VBP1: variants seen among roughly 807,000 people sequenced by gnomAD.
VBP1 encodes the protein prefoldin subunit 3.
In VBP1, 4 loss-of-function variants were observed where a neutral mutation model predicts 15.5. That is an observed-to-expected ratio of 0.26 (90% CI 0.13 to 0.59). The LOEUF (loss-of-function observed/expected upper bound fraction) is 0.59, where lower values mean the gene tolerates loss of function less well. Ranked by LOEUF, VBP1 falls within the 20% of genes least tolerant of loss-of-function variation. The pLI, the probability that VBP1 is intolerant of heterozygous loss-of-function variation, is 0.90. For missense variants in VBP1, 108 were observed against 139.6 expected (o/e 0.77, Z 1.14); for synonymous variants, 61 against 52.1 (o/e 1.17, Z -0.74).
chrX:155,225,137 C>G (rs2124081622), intron 2 of VBP1, among the ~76,000 whole-genome samples: 1 of 111,660 alleles, frequency 9.0e-6, no homozygotes, highest in East Asian at 2.8e-4. Flanking sequence ...TTATAATGAT[C>G]AAATTATAAT....
At chrX:155,210,198 C>T (rs782410808) in intron 2 of VBP1, among the ~76,000 whole-genome samples, 1 of 111,705 alleles carries the variant, frequency 9.0e-6, no homozygotes, top group Admixed American at 9.5e-5. Context: ...GTAATCCCAG[C>T]ACTTTGGGAG....
At chrX:155,228,050 G>A (rs1224751994) in intron 3 of VBP1, among the ~76,000 whole-genome samples, 1 of 111,805 alleles carries the variant, frequency 8.9e-6, no homozygotes, top group Non-Finnish European at 1.9e-5. Flanking sequence ...TTCTCTGTAT[G>A]TCAGGCACTC....
Position 155,239,349 on chromosome X carries a change from A to G in VBP1, c.*507A>G, listed in dbSNP as rs1444037628. The G allele has an allele frequency of 2.7e-5, 3 of 112,395 alleles. No homozygotes were observed. The highest frequency in any genetic ancestry group is 9.7e-5 in the African/African-American group (3 of 30,813). 9.3% of individuals were successfully genotyped at this position (112,395 alleles called of 1,213,427 possible). A position where few individuals can be genotyped will look rare whatever the true frequency, so the allele number is the denominator to read the frequency against. ...TGACTTACTGCTTAACGAATAACTA[A>G]CTACTATGATATTCTGGACATTTTA... On this transcript the variant is annotated 3_prime_UTR_variant, in exon 6 of 6. Transcript: ENST00000286428.
intron 4 of VBP1, 76 bp downstream of exon 4, chrX:155,228,558 T>TAC: frequency 1.3e-6 from 1 of 783,591 alleles, no homozygotes; most frequent in Non-Finnish European, 1.9e-6. Flanking sequence ...CTGGTTTTGC[T>TAC]AGTATTTGCT....
intron 2 of VBP1, among the ~76,000 whole-genome samples, chrX:155,211,158 G>A (rs782191463): frequency 2.7e-5 from 3 of 111,806 alleles, no homozygotes; most frequent in Non-Finnish European, 5.6e-5. Context: ...GCAAGATGGA[G>A]TCCCACTACA....
At chrX:155,203,819 C>T (rs1230149999) in intron 1 of VBP1, among the ~76,000 whole-genome samples, 1 of 111,853 alleles carries the variant, frequency 8.9e-6, no homozygotes, top group Non-Finnish European at 1.9e-5. Flanking sequence ...TGTTAAATTT[C>T]TCCAATTTAT....
At chrX:155,224,313 T>C (rs1272779160) in intron 2 of VBP1, among the ~76,000 whole-genome samples, 3 of 112,504 alleles carry the variant, frequency 2.7e-5, no homozygotes, top group Non-Finnish European at 3.8e-5. Flanking sequence ...CTGGGCACCA[T>C]TGAGCACTGA....
chrX:155,220,089 C>CT (rs1168862261), intron 1 of VBP1, 94 bp from the exon 2 acceptor site: 27 of 879,936 alleles, frequency 3.1e-5, no homozygotes, highest in African/African-American at 2.1e-4. Context: ...AAAAACAAAG[C>CT]TTTTTTTTCT....
intron 1 of VBP1, among the ~76,000 whole-genome samples, chrX:155,200,496 G>T (rs879170267): frequency 9.0e-6 from 1 of 110,874 alleles, no homozygotes; most frequent in South Asian, 3.9e-4. Flanking sequence ...GAACAACCTG[G>T]TCCTGAATGA....
intron 1 of VBP1, among the ~76,000 whole-genome samples, chrX:155,201,289 C>T (rs1351787055): frequency 1.8e-5 from 2 of 108,778 alleles, no homozygotes; most frequent in African/African-American, 3.4e-5. Context: ...ATACCAAAGC[C>T]GGGCAGAGAC....
chrX:155,200,558 C>T (rs2074598816), intron 1 of VBP1, among the ~76,000 whole-genome samples: 1 of 109,521 alleles, frequency 9.1e-6, no homozygotes, highest in South Asian at 4.0e-4. Flanking sequence ...TCTTTAAAAC[C>T]AACGAGAACA....
At chrX:155,235,498 C>G (rs1557311446) in intron 4 of VBP1, among the ~76,000 whole-genome samples, 2 of 110,756 alleles carry the variant, frequency 1.8e-5, no homozygotes, top group Non-Finnish European at 3.8e-5. Context: ...AGGGAGAGTT[C>G]AAAGCTGTAA....
chrX:155,207,558 C>T (rs781999081), intron 1 of VBP1, among the ~76,000 whole-genome samples: 1 of 111,954 alleles, frequency 8.9e-6, no homozygotes, highest in Non-Finnish European at 1.9e-5. Flanking sequence ...GCAGAAGTGG[C>T]ATCCCTGCAC....
intron 2 of VBP1, among the ~76,000 whole-genome samples, chrX:155,225,337 G>A (rs1431575288): frequency 1.8e-5 from 2 of 111,679 alleles, no homozygotes; most frequent in Non-Finnish European, 3.8e-5. Context: ...GGGATTACAA[G>A]CATGCACCAC....
At chrX:155,208,415 A>G (rs782132664) in intron 1 of VBP1, among the ~76,000 whole-genome samples, 1 of 112,474 alleles carries the variant, frequency 8.9e-6, no homozygotes, top group South Asian at 3.7e-4. Flanking sequence ...CTTCACATTT[A>G]ACCTGTAGAT....
At chrX:155,197,948 G>A (rs1465372627) in intron 1 of VBP1, among the ~76,000 whole-genome samples, 1 of 112,459 alleles carries the variant, frequency 8.9e-6, no homozygotes, top group Non-Finnish European at 1.9e-5. Context: ...CGGCGCACCA[G>A]GAGATTATAT....
chrX:155,230,716 C>T (rs782682292), intron 4 of VBP1, among the ~76,000 whole-genome samples: 125 of 109,213 alleles, frequency 1.1e-3, no homozygotes, highest in Middle Eastern at 4.2e-3. Context: ...CAGAGTCTCA[C>T]TCTGTTGCCC....
intron 4 of VBP1, among the ~76,000 whole-genome samples, chrX:155,232,463 A>AAT (rs782001527): frequency 2.3e-4 from 26 of 111,879 alleles, no homozygotes; most frequent in African/African-American, 7.8e-4. Flanking sequence ...TATATACTTA[A>AAT]ATTTTTTAGA....
At chrX:155,200,836 G>T (rs1433331337) in intron 1 of VBP1, among the ~76,000 whole-genome samples, 1 of 109,547 alleles carries the variant, frequency 9.1e-6, no homozygotes, top group African/African-American at 3.3e-5. Context: ...TTTTTTGAAA[G>T]GATCAACAAA....
Sources: allele counts gnomAD v4.1 joint callset (sites outside exome capture counted in the v4.1 genomes callset), GRCh38; gene constraint gnomAD v4.1.1; transcripts MANE v1.5; gene names NCBI Gene and HGNC (gene_info 2026-07-23, HGNC 2026-07-21).